Variants in ARHGAP15 observed in about 807,000 individuals in gnomAD.
ARHGAP15 encodes the protein Rho GTPase activating protein 15.
ARHGAP15 carries 51 observed loss-of-function variants against 63.7 expected under a neutral mutation model. The ratio of observed to expected loss-of-function variants is 0.80; its 90% CI spans 0.64 to 1.01. The LOEUF is 1.01. Ranked by LOEUF, ARHGAP15 falls within the 50% of genes least tolerant of loss-of-function variation. The pLI is 0.00. For missense variants in ARHGAP15, 560 were observed against 564.6 expected, an observed-to-expected ratio of 0.99 and a Z score of 0.08; for synonymous variants, 191 against 193.8, an observed-to-expected ratio of 0.99 and a Z score of 0.12.
At chr2:143,499,795 C>G (rs555378803) in intron 9 of ARHGAP15, among the ~76,000 whole-genome samples, 1 of 152,204 alleles carries the variant, frequency 6.6e-6, no homozygotes, top group South Asian at 2.1e-4. Flanking sequence ...AGTGCCTTAT[C>G]ACAGATAAGT....
intron 12 of ARHGAP15, among the ~76,000 whole-genome samples, chr2:143,666,857 A>G (rs1305852963): frequency 4.0e-5 from 6 of 149,494 alleles, no homozygotes; most frequent in African/African-American, 1.5e-4. Context: ...ATGCAAATCT[A>G]AACCGCAATG....
intron 2 of ARHGAP15, among the ~76,000 whole-genome samples, chr2:143,192,973 A>G (rs1386462413): frequency 6.6e-6 from 1 of 152,162 alleles, no homozygotes; most frequent in Non-Finnish European, 1.5e-5. Flanking sequence ...GATTTTCACA[A>G]TCCAACCCAT....
At chr2:143,432,258 C>G (rs887249023) in intron 6 of ARHGAP15, among the ~76,000 whole-genome samples, 1 of 151,696 alleles carries the variant, frequency 6.6e-6, no homozygotes, top group Admixed American at 6.6e-5. Context: ...GGTATAAATG[C>G]CATTCTACAC....
At chr2:143,312,039 G>A (rs1284297496) in intron 6 of ARHGAP15, among the ~76,000 whole-genome samples, 1 of 151,982 alleles carries the variant, frequency 6.6e-6, no homozygotes, top group Non-Finnish European at 1.5e-5. Context: ...AGGGTATAAT[G>A]TATTTTGATT....
chr2:143,287,404 G>A lies in ARHGAP15; in HGVS notation c.474+36804G>A, dbSNP rs551667878. Among the ~76,000 whole-genome samples, 626 of 151,904 alleles carry A rather than the reference G, an allele frequency of 4.1e-3. 4 individuals carry two copies. The highest frequency in any genetic ancestry group is 0.014 in the Middle Eastern group (4 of 294). ...AACTTGAAATCACTTTATGACATCA[G>A]CCTGTCACCCTGAAAATAACAGATA... is the stretch of plus-strand genomic sequence containing the variant. On this transcript the variant is annotated intron_variant, in intron 6 of 13. Coordinates refer to ENST00000295095, the MANE Select transcript of ARHGAP15 (RefSeq NM_018460.4).
Position 143,629,832 on chromosome 2 carries a change from GAGAAT to G in ARHGAP15, c.1138+5570_1138+5574del, listed in dbSNP as rs1203495920. On this transcript the variant is annotated intron_variant, in intron 12 of 13. Coordinates refer to ENST00000295095, the MANE Select transcript of ARHGAP15 (RefSeq NM_018460.4). ...CTCATAAAGTAGTTACTATGAGAAT[GAGAAT>G]AGAACAGGATTTTCTTACTCCATGT... is the stretch of plus-strand genomic sequence containing the variant. 7.2e-5 allele frequency among the ~76,000 whole-genome samples: 11 copies of G among 152,300 alleles called. No homozygotes were observed. The East Asian group carries it at 2.1e-3, about 29-fold the overall frequency.
intron 6 of ARHGAP15, among the ~76,000 whole-genome samples, chr2:143,331,185 T>C (rs2105258465): frequency 6.6e-6 from 1 of 152,234 alleles, no homozygotes; most frequent in East Asian, 1.9e-4. Flanking sequence ...CATATATTTT[T>C]CCCCCTGGGA....
At chr2:143,664,830 AT>A (rs1018609714) in intron 12 of ARHGAP15, among the ~76,000 whole-genome samples, 88 of 152,374 alleles carry the variant, frequency 5.8e-4, no homozygotes, top group Admixed American at 1.4e-3. Context: ...AAATGGATAA[AT>A]TCCTCGACAC....
chr2:143,488,864 C>T lies in ARHGAP15; in HGVS notation c.826+1369C>T, dbSNP rs376036861. Reference sequence around the variant, plus strand: ...AAATTCTTAGGATTTAAGGGTAAAACGAGGACCTTGCTTTAAATCAGAGTT... The same window carrying T: ...AAATTCTTAGGATTTAAGGGTAAAATGAGGACCTTGCTTTAAATCAGAGTT... On this transcript the variant is annotated intron_variant, in intron 9 of 13. Coordinates refer to ENST00000295095, the MANE Select transcript of ARHGAP15 (RefSeq NM_018460.4). Among the ~76,000 whole-genome samples the T allele has an allele frequency of 1.8e-4, 27 of 152,228 alleles. 1 individual carries two copies. In the South Asian group the frequency reaches 4.8e-3, roughly 27 times the overall value.
chr2:143,558,562 A>G (rs1047247018), intron 11 of ARHGAP15, among the ~76,000 whole-genome samples: 2 of 152,178 alleles, frequency 1.3e-5, no homozygotes, highest in African/African-American at 4.8e-5. Flanking sequence ...TAAGTCTTGG[A>G]ATCAAAAAAT....
chr2:143,629,769 T>G (rs1283845040), intron 12 of ARHGAP15, among the ~76,000 whole-genome samples: 1 of 152,172 alleles, frequency 6.6e-6, no homozygotes, highest in African/African-American at 2.4e-5. Context: ...CAGGAGATAT[T>G]GGAGAAATGG....
chr2:143,508,623 G>A (rs529374003), intron 9 of ARHGAP15, among the ~76,000 whole-genome samples: 4 of 152,320 alleles, frequency 2.6e-5, no homozygotes, highest in Middle Eastern at 3.4e-3. Context: ...GTACATGTGT[G>A]TATGTGTGTG....
chr2:143,604,771 A>G (rs1253697552), intron 11 of ARHGAP15, among the ~76,000 whole-genome samples: 4 of 152,192 alleles, frequency 2.6e-5, no homozygotes, highest in African/African-American at 4.8e-5. Context: ...CTTGGCACGC[A>G]TCCTGAAAAC....
At chr2:143,444,045 GC>G (rs2105113348) in intron 8 of ARHGAP15, among the ~76,000 whole-genome samples, 1 of 152,216 alleles carries the variant, frequency 6.6e-6, no homozygotes, top group East Asian at 1.9e-4. Context: ...GTATCTCATA[GC>G]ATCAGCTACT....
chr2:143,577,664 T>G (rs1696726976), intron 11 of ARHGAP15, among the ~76,000 whole-genome samples: 1 of 152,130 alleles, frequency 6.6e-6, no homozygotes, highest in African/African-American at 2.4e-5. Context: ...GGAAGCTCCT[T>G]TCCCAAAGCA....
intron 2 of ARHGAP15, among the ~76,000 whole-genome samples, chr2:143,196,374 G>A (rs1456431570): frequency 6.6e-6 from 1 of 152,006 alleles, no homozygotes; most frequent in African/African-American, 2.4e-5. Flanking sequence ...ATAGGAAATA[G>A]TGCCATTGAA....
In ARHGAP15 at chr2:143,495,377, C is replaced by T. The variant is rs569536364; in HGVS notation, c.826+7882C>T. Reference sequence around the variant, plus strand: ...ATTCACTTACTTCAAGAAACATACACTGATAACTTGGGCTTGGCTTATATT... The same window carrying T: ...ATTCACTTACTTCAAGAAACATACATTGATAACTTGGGCTTGGCTTATATT... On this transcript the variant is annotated intron_variant, in intron 9 of 13. Coordinates refer to ENST00000295095, the MANE Select transcript of ARHGAP15 (RefSeq NM_018460.4). Among the ~76,000 whole-genome samples the T allele has an allele frequency of 2.6e-5, 4 of 152,272 alleles. No homozygotes were observed. In the South Asian group the frequency reaches 8.3e-4, roughly 32 times the overall value.
chr2:143,298,982 T>C (rs915331311), intron 6 of ARHGAP15, among the ~76,000 whole-genome samples: 2 of 151,942 alleles, frequency 1.3e-5, no homozygotes, highest in Admixed American at 1.3e-4. Context: ...TTTTGGGACA[T>C]ACTTCTGATA....
chr2:143,660,908 A>T (rs906916650), intron 12 of ARHGAP15, among the ~76,000 whole-genome samples: 3 of 152,200 alleles, frequency 2.0e-5, no homozygotes, highest in African/African-American at 7.2e-5. Context: ...AACTTCTTAC[A>T]GTTCTGTAGT....
Sources: allele counts gnomAD v4.1 joint callset (sites outside exome capture counted in the v4.1 genomes callset), GRCh38; gene constraint gnomAD v4.1.1; transcripts MANE v1.5; gene names NCBI Gene and HGNC (gene_info 2026-07-23, HGNC 2026-07-21).